The following PLXNA2 variants were observed in gnomAD, a reference collection of about 807,000 sequenced individuals.
PLXNA2 encodes plexin A2, also known as plexin-A2.
PLXNA2 carries 91 observed loss-of-function variants against 193.5 expected under a neutral mutation model. That is an observed-to-expected ratio of 0.47 (90% confidence interval 0.40 to 0.56). The LOEUF (loss-of-function observed/expected upper bound fraction) is 0.56. PLXNA2 is among the 20% of genes least tolerant of loss of function. The pLI, the probability that PLXNA2 is intolerant of heterozygous loss-of-function variation, is 0.00. For missense variants in PLXNA2, 1,995 were observed against 2,503.2 expected, an observed-to-expected ratio of 0.80 and a Z score of 4.33; for synonymous variants, 997 against 1,027.3, an observed-to-expected ratio of 0.97 and a Z score of 0.56.
intron 9 of PLXNA2, among the ~76,000 whole-genome samples, chr1:208,092,466 A>G (rs1391955787): frequency 6.6e-6 from 1 of 152,224 alleles, no homozygotes; most frequent in Non-Finnish European, 1.5e-5. Flanking sequence ...GCCATTCACT[A>G]CACTCTTCTA....
chr1:208,184,552 G>A (rs1328467739), intron 3 of PLXNA2, among the ~76,000 whole-genome samples: 3 of 152,086 alleles, frequency 2.0e-5, no homozygotes, highest in Non-Finnish European at 2.9e-5. Context: ...GATGGAAGGG[G>A]CACACAGGCT....
In PLXNA2 at chr1:208,033,341, A is replaced by G; in HGVS notation, c.5033T>C (p.Leu1678Pro). ...RGSKMVSEIY[L>P]TRLLATKGTL... ...TACCTTGGTGGCCAGTAGCCGGGTC[A>G]GGTAGATCTCGGACACCATCTTGCT... The change falls in exon 28 of 32, where the codon CTG becomes CCG. Residue 1678 changes from leucine (L) to proline (P), a missense_variant. Transcript: ENST00000367033. The G allele has an allele frequency of 6.2e-7, 1 of 1,613,522 alleles. No individual in the cohort carries two copies. The highest frequency in any genetic ancestry group is 8.5e-7 in the Non-Finnish European group (1 of 1,179,546).
intron 4 of PLXNA2, among the ~76,000 whole-genome samples, chr1:208,134,808 A>G (rs1034367315): frequency 2.6e-5 from 4 of 152,178 alleles, no homozygotes; most frequent in Admixed American, 2.0e-4. Context: ...ATAGTCTGAG[A>G]TGTCAAAATA....
rs1287782274 is a variant in PLXNA2 at position 208,045,998 on chromosome 1, A to G, written c.3375T>C (p.Asn1125=). Residue 1125 remains asparagine, a synonymous_variant, in exon 18 of 32, where the codon AAT becomes AAC. Coordinates refer to ENST00000367033, the MANE Select transcript of PLXNA2 (RefSeq NM_025179.4). ...CGTTGTAAATTAGCAAGGATTGGACATTGTTAAAGACAAATCCAAACTCAT... is the reference window on the plus strand; with the variant it reads ...CGTTGTAAATTAGCAAGGATTGGACGTTGTTAAAGACAAATCCAAACTCAT... ...RPDEFGFVFN[N]VQSLLIYNDT... is the part of the protein sequence containing the mutation. The G allele has an allele frequency of 1.2e-6, 2 of 1,614,146 alleles. No individual in the cohort carries two copies. The highest frequency in any genetic ancestry group is 1.3e-5 in the African/African-American group (1 of 74,944).
chr1:208,053,996 A>G (rs1665346355), intron 14 of PLXNA2, among the ~76,000 whole-genome samples: 1 of 152,226 alleles, frequency 6.6e-6, no homozygotes, highest in Non-Finnish European at 1.5e-5. Flanking sequence ...TATCCTTGGC[A>G]GAAAACAAAG....
chr1:208,207,615 C>T (rs964336614), intron 3 of PLXNA2, among the ~76,000 whole-genome samples: 2 of 152,180 alleles, frequency 1.3e-5, no homozygotes, highest in African/African-American at 4.8e-5. Context: ...CCTTCCCTTT[C>T]CAAACTCTTA....
intron 29 of PLXNA2, chr1:208,030,276 G>A (rs1664458495): frequency 1.2e-5 from 12 of 985,500 alleles, no homozygotes; most frequent in Non-Finnish European, 1.4e-5. Flanking sequence ...TCTGGTTAAG[G>A]AAACTCTCTC....
At position 208,144,047 on chromosome 1, in the gene PLXNA2, A is replaced by G. The variant is rs141583914; in HGVS notation, c.1372-1584T>C. Among the ~76,000 whole-genome samples the G allele has an allele frequency of 3.8e-3, 575 of 152,302 alleles. 2 individuals carry two copies. The highest frequency in any genetic ancestry group is 0.013 in the African/African-American group (533 of 41,570). ...TTAGGGCTGAATCAAAGTGAGGTCA[A>G]AAGACATTTTCCCTGGAAGATTTTA... On this transcript the variant is annotated intron_variant, in intron 3 of 31. Coordinates refer to ENST00000367033, the MANE Select transcript of PLXNA2 (RefSeq NM_025179.4).
rs773195910 is a variant in PLXNA2 at position 208,217,198 on chromosome 1, A to G, written c.725T>C (p.Phe242Ser). The G allele has an allele frequency of 6.2e-7, 1 of 1,614,166 alleles. No individual in the cohort carries two copies. The highest frequency in any genetic ancestry group is 1.1e-5 in the South Asian group (1 of 91,078). ...CCCACTAGCAAAGCCGTAGATGTAG[A>G]AGATGTCAAAGTGGGAGACCAGGGC... ...TLALVSHFDI[F>S]YIYGFASGGF... The change falls in exon 2 of 32, where the codon TTC (phenylalanine) becomes TCC (serine). Residue 242 changes from phenylalanine to serine, a missense_variant. Coordinates refer to ENST00000367033, the MANE Select transcript of PLXNA2 (RefSeq NM_025179.4). This position sits in a 1 kb window ranked among gnomAD's most constrained non-coding sequence, Gnocchi z 4.7.
Position 208,029,021 on chromosome 1 carries a change from C to T in PLXNA2, c.5247G>A (p.Val1749=). ...CGAACTGGGGGTTCTTAATCACGTT[C>T]ACCCAGAAGCGCAGAGGGAGGCTGT... The part of the protein sequence containing the change: ...KSNCLPLRFW[V]NVIKNPQFVF... The change falls in exon 30 of 32, where the codon GTG becomes GTA. Residue 1749 remains valine, a synonymous_variant. Transcript: ENST00000367033. The T allele has an allele frequency of 6.2e-7, 1 of 1,614,146 alleles. No homozygotes were observed. Among genetic ancestry groups the T allele is most frequent in the South Asian group, 1.1e-5 (1 of 91,076 alleles).
chr1:208,099,100 G>T, intron 5 of PLXNA2, 131 bp from the exon 6 acceptor site: 2 of 1,114,642 alleles, frequency 1.8e-6, no homozygotes, highest in Non-Finnish European at 2.5e-6. Context: ...GACTTTTACT[G>T]TACTCCGGAG....
intron 3 of PLXNA2, chr1:208,209,978 G>T: frequency 1.0e-5 from 1 of 99,464 alleles, no homozygotes; most frequent in Non-Finnish European, 1.9e-5. Context: ...TGGGAATGAA[G>T]AGCAATTTTT....
intron 4 of PLXNA2, among the ~76,000 whole-genome samples, chr1:208,108,985 A>G (rs559350980): frequency 1.3e-5 from 2 of 152,294 alleles, no homozygotes; most frequent in South Asian, 2.1e-4. Context: ...GGGCCCCTCC[A>G]AGATTGAGAA....
At chr1:208,033,531 AG>A (rs779950419) in intron 27 of PLXNA2, 22 bp from the exon 28 acceptor site, 97 of 1,573,966 alleles carry the variant, frequency 6.2e-5, no homozygotes, top group Non-Finnish European at 8.0e-5. Flanking sequence ...GGGTTGGTGG[AG>A]GGCTGTGAGT....
intron 10 of PLXNA2, among the ~76,000 whole-genome samples, chr1:208,083,537 C>T (rs1172064477): frequency 2.0e-5 from 3 of 151,932 alleles, no homozygotes; most frequent in African/African-American, 4.8e-5. Flanking sequence ...ATTACAAATT[C>T]TATCTATCAA....
At chr1:208,207,091 C>T (rs1280635633) in intron 3 of PLXNA2, among the ~76,000 whole-genome samples, 1 of 152,188 alleles carries the variant, frequency 6.6e-6, no homozygotes, top group Non-Finnish European at 1.5e-5. Context: ...CTGCAACCTC[C>T]ACCTCCTGGG....
intron 3 of PLXNA2, among the ~76,000 whole-genome samples, chr1:208,207,813 G>C (rs568215428): frequency 2.6e-5 from 4 of 152,300 alleles, no homozygotes; most frequent in Admixed American, 2.6e-4. Flanking sequence ...CCTCAAAGCA[G>C]CGTGGGTGGG....
chr1:208,063,454 CT>C (rs1248954495), intron 12 of PLXNA2, among the ~76,000 whole-genome samples: 1 of 152,140 alleles, frequency 6.6e-6, no homozygotes, highest in East Asian at 1.9e-4. Flanking sequence ...GAGAAGAAGA[CT>C]TTTTTTGGGT....
intron 3 of PLXNA2, among the ~76,000 whole-genome samples, chr1:208,152,112 A>C (rs1344223513): frequency 1.3e-5 from 2 of 152,200 alleles, no homozygotes; most frequent in African/African-American, 4.8e-5. Context: ...GCATTTTATA[A>C]TCTGGAACAG....
Sources: allele counts gnomAD v4.1 joint callset (sites outside exome capture counted in the v4.1 genomes callset), GRCh38; gene constraint gnomAD v4.1.1; non-coding constraint Gnocchi (gnomAD v3.1); transcripts MANE v1.5; gene names NCBI Gene and HGNC (gene_info 2026-07-23, HGNC 2026-07-21).